Variants in ENTPD5 observed in about 807,000 individuals in gnomAD.
The protein encoded by ENTPD5 is ectonucleoside triphosphate diphosphohydrolase 5 (inactive), also known as nucleoside diphosphate phosphatase ENTPD5.
A neutral mutation model predicts 60.2 loss-of-function variants in ENTPD5; 49 were observed. The observed-to-expected ratio is 0.81, with a 90% CI of 0.65 to 1.03. ENTPD5 has a LOEUF of 1.03. Among genes scored for constraint, ENTPD5 ranks in the 50% least tolerant of loss-of-function variants. The pLI, the probability that ENTPD5 is intolerant of heterozygous loss-of-function variation, is 0.00. For missense variants in ENTPD5, 480 were observed against 507.6 expected (o/e 0.95, Z 0.52); for synonymous variants, 187 against 185.4 (o/e 1.01, Z -0.07).
At chr14:74,003,824 TG>T (rs1222241375) in intron 3 of ENTPD5, among the ~76,000 whole-genome samples, 1 of 151,948 alleles carries the variant, frequency 6.6e-6, no homozygotes, top group Non-Finnish European at 1.5e-5. Context: ...TGGCTGGGCA[TG>T]GTGCCTCATG....
chr14:73,995,585 AAATAAT>A lies in ENTPD5; in HGVS notation c.-70-7419_-70-7414del, dbSNP rs34846091. Among the ~76,000 whole-genome samples, 1,003 of 144,198 alleles carry A rather than the reference AAATAAT, an allele frequency of 7.0e-3. 31 individuals are homozygous for A. Among genetic ancestry groups the A allele is most frequent in the Non-Finnish European group, 2.5e-3 (167 of 66,534 alleles). 94.6% of individuals were successfully genotyped at this position (144,198 alleles called of 152,430 possible). ...CAGTGATAGAGAGAGACTCTATCTC[AAATAAT>A]AATAATAATAATAATAATAATAATA... On this transcript the variant is annotated intron_variant, in intron 3 of 15. Transcript: ENST00000334696.
intron 1 of ENTPD5, among the ~76,000 whole-genome samples, chr14:74,018,045 G>C (rs1272708561): frequency 2.6e-5 from 4 of 151,402 alleles, no homozygotes; most frequent in Non-Finnish European, 4.4e-5. Context: ...AGCCGGGTGT[G>C]GTGGCATGCA....
chr14:73,990,352 T>C (rs2058079777), intron 3 of ENTPD5, among the ~76,000 whole-genome samples: 1 of 150,950 alleles, frequency 6.6e-6, no homozygotes, highest in Non-Finnish European at 1.5e-5. Context: ...CATCTTTTTT[T>C]GAGACAGGGT....
chr14:73,989,472 C>A (rs12887706), intron 3 of ENTPD5, among the ~76,000 whole-genome samples: 1 of 139,736 alleles, frequency 7.2e-6, no homozygotes, highest in Non-Finnish European at 1.6e-5. Context: ...CCGAGGCGGG[C>A]GGATCACCTG....
Position 73,976,402 on chromosome 14 carries a change from A to G in ENTPD5, c.564T>C (p.His188=). ...VTVNFLTGQL[H]GHRQETVGTL... ...TCCCCACAGTCTCCTGTCTGTGGCC[A>G]TGCAGCTGACCTGTCAAATGAGAGC... The change falls in exon 9 of 16, where the codon CAT becomes CAC. Residue 188 remains histidine (H), a synonymous_variant. Coordinates refer to ENST00000334696, the MANE Select transcript of ENTPD5 (RefSeq NM_001249.5). 6.2e-7 allele frequency: 1 copy of G among 1,614,074 alleles called. No individual in the cohort carries two copies. Among genetic ancestry groups the G allele is most frequent in the Non-Finnish European group, 8.5e-7 (1 of 1,179,948 alleles).
chr14:73,962,097 AC>A (rs1243161422), downstream of ENTPD5, among the ~76,000 whole-genome samples: 1 of 151,552 alleles, frequency 6.6e-6, no homozygotes, highest in Non-Finnish European at 1.5e-5. Context: ...ACAGGCGCCC[AC>A]CACCACACCC....
At chr14:73,976,519 G>T (rs1594862795) in intron 8 of ENTPD5, 107 bp from the exon 9 acceptor site, 5 of 817,190 alleles carry the variant, frequency 6.1e-6, no homozygotes, top group East Asian at 5.1e-5. Context: ...ATACTCCACT[G>T]CTCCCCAGCC....
chr14:73,988,249 T>C, intron 3 of ENTPD5, 77 bp from the exon 4 acceptor site: 1 of 1,359,560 alleles, frequency 7.4e-7, no homozygotes. Flanking sequence ...CACTCACTCC[T>C]GGGCCCAAGG....
Position 73,976,916 on chromosome 14 carries a change from T to C in ENTPD5, c.553+108A>G. 4 of 1,079,060 alleles carry C rather than the reference T, an allele frequency of 3.7e-6. No homozygotes were observed. In the South Asian group the frequency reaches 5.7e-5, roughly 15 times the overall value. 66.8% of individuals were successfully genotyped at this position (1,079,060 alleles called of 1,614,324 possible). On this transcript the variant is annotated intron_variant, in intron 8 of 15. Transcript: ENST00000334696. The stretch of plus-strand genomic sequence containing the variant: ...ACTGCCACACCCAGCCTCTTTTCCT[T>C]TTTTAAAGAAGAAGAAACAATACAG...
At chr14:74,005,978 G>T (rs1303814760) in intron 3 of ENTPD5, among the ~76,000 whole-genome samples, 2 of 151,990 alleles carry the variant, frequency 1.3e-5, no homozygotes, top group South Asian at 2.1e-4. Flanking sequence ...AAGGTGAAAA[G>T]AAATTTAAAT....
At chr14:73,960,239 A>C (rs10873263), downstream of ENTPD5, 393,458 of 986,460 alleles carry the variant, frequency 0.4, 82,446 homozygotes, top group Non-Finnish European at 0.43. Context: ...GTGGGTTCAA[A>C]ATGTAAATAG....
chr14:74,002,115 G>T (rs1354248106), intron 3 of ENTPD5, among the ~76,000 whole-genome samples: 1 of 152,156 alleles, frequency 6.6e-6, no homozygotes, highest in East Asian at 1.9e-4. Flanking sequence ...TGCTCTGTGA[G>T]TTAGGTGCTA....
intron 3 of ENTPD5, among the ~76,000 whole-genome samples, chr14:74,007,337 C>T (rs549610163): frequency 3.9e-5 from 6 of 152,058 alleles, no homozygotes; most frequent in East Asian, 3.9e-4. Flanking sequence ...CTGGCTAACA[C>T]GGTGAAACCC....
intron 3 of ENTPD5, among the ~76,000 whole-genome samples, chr14:73,999,081 A>G (rs529612657): frequency 7.2e-5 from 11 of 152,122 alleles, no homozygotes; most frequent in Non-Finnish European, 1.2e-4. Context: ...ACTAACTGCT[A>G]GGTGCCAGAA....
intron 2 of ENTPD5, among the ~76,000 whole-genome samples, chr14:74,011,892 C>T (rs2140868531): frequency 6.6e-6 from 1 of 152,140 alleles, no homozygotes; most frequent in East Asian, 1.9e-4. Flanking sequence ...GCCTATACTC[C>T]CAGCACTTTG....
chr14:73,963,135 A>G (rs752175108), downstream of ENTPD5: 2 of 814,602 alleles, frequency 2.5e-6, no homozygotes, highest in East Asian at 2.7e-5. Flanking sequence ...TCTTTGCTTA[A>G]TGGGCCTGTG....
At chr14:74,014,158 G>C (rs2140879061) in intron 2 of ENTPD5, among the ~76,000 whole-genome samples, 1 of 152,254 alleles carries the variant, frequency 6.6e-6, no homozygotes, top group African/African-American at 2.4e-5. Context: ...TTATTTGTAG[G>C]CATAGTGGTG....
Position 73,980,343 on chromosome 14 carries a change from C to T in ENTPD5, c.441+2675G>A, listed in dbSNP as rs149086956. On this transcript the variant is annotated intron_variant, in intron 6 of 15. Transcript: ENST00000334696. ...GCAGTGGCGTGATCTCGGCTCACTG[C>T]AAGCTCCGCCTCCCAAGTTCAAGCA... Among the ~76,000 whole-genome samples, 357 of 151,908 alleles carry T rather than the reference C, an allele frequency of 2.4e-3. 5 individuals carry two copies. The highest frequency in any genetic ancestry group is 8.3e-3 in the African/African-American group (342 of 41,416).
At chr14:73,958,431 G>T, downstream of ENTPD5, 2 of 1,505,184 alleles carry the variant, frequency 1.3e-6, no homozygotes, top group Non-Finnish European at 1.8e-6. Flanking sequence ...CTCAAGTGGA[G>T]ATGGTCTCAT....
Sources: gnomAD v4.1 joint callset for allele counts (sites outside exome capture counted in the v4.1 genomes callset) on GRCh38, gnomAD v4.1.1 for gene constraint, MANE v1.5 for transcripts, NCBI Gene and HGNC (gene_info 2026-07-23, HGNC 2026-07-21) for gene names.